The following ULK4 variants were observed in gnomAD, a reference collection of about 807,000 sequenced individuals.
The protein encoded by ULK4 is inactive serine/threonine-protein kinase ULK4.
ULK4 carries 133 observed loss-of-function variants against 160.6 expected under a neutral mutation model. The observed-to-expected ratio is 0.83, with a 90% confidence interval of 0.72 to 0.96. The LOEUF (loss-of-function observed/expected upper bound fraction) is 0.96, where lower values mean the gene tolerates loss of function less well. Ranked by LOEUF, ULK4 falls within the 40% of genes least tolerant of loss-of-function variation. The pLI is 0.00. For missense variants in ULK4, 1,580 were observed against 1,499.5 expected (o/e 1.05, Z -0.89); for synonymous variants, 534 against 539.8 (o/e 0.99, Z 0.15).
chr3:41,908,038 G>C, intron 11 of ULK4, 97 bp from the exon 12 acceptor site: 9 of 743,006 alleles, frequency 1.2e-5, no homozygotes, highest in Non-Finnish European at 1.8e-5. Context: ...AAAAATGGTA[G>C]AGTATGATGA....
At chr3:41,926,539 A>T (rs1265763172) in intron 5 of ULK4, among the ~76,000 whole-genome samples, 2 of 152,226 alleles carry the variant, frequency 1.3e-5, no homozygotes, top group African/African-American at 4.8e-5. Context: ...GGTGGGTAAC[A>T]ACAACCTCCT....
intron 16 of ULK4, among the ~76,000 whole-genome samples, chr3:41,885,557 C>G (rs1377348512): frequency 6.6e-6 from 1 of 152,210 alleles, no homozygotes; most frequent in Non-Finnish European, 1.5e-5. Flanking sequence ...GCAGCACTAT[C>G]TAACAAACCT....
intron 27 of ULK4, among the ~76,000 whole-genome samples, chr3:41,704,414 T>C (rs2036793686): frequency 6.6e-6 from 1 of 152,238 alleles, no homozygotes; most frequent in Non-Finnish European, 1.5e-5. Flanking sequence ...CAAAACCTGA[T>C]ACTGCTCCTT....
intron 18 of ULK4, among the ~76,000 whole-genome samples, chr3:41,827,212 G>T (rs1015083392): frequency 2.1e-5 from 3 of 146,088 alleles, no homozygotes; most frequent in African/African-American, 7.7e-5. Context: ...AAGCAGGAAA[G>T]ATCTAAAATT....
At chr3:41,469,643 A>C (rs2083926412) in intron 32 of ULK4, among the ~76,000 whole-genome samples, 1 of 149,096 alleles carries the variant, frequency 6.7e-6, no homozygotes, top group Non-Finnish European at 1.5e-5. Context: ...TAAAAGCCTA[A>C]AAAGATGGCT....
chr3:41,864,764 CATCTT>C (rs1479584870), intron 17 of ULK4, among the ~76,000 whole-genome samples: 1 of 152,080 alleles, frequency 6.6e-6, no homozygotes, highest in East Asian at 1.9e-4. Context: ...TACATTTATT[CATCTT>C]TTCTTCCTGT....
At chr3:41,546,898 G>A (rs1405051537) in intron 32 of ULK4, among the ~76,000 whole-genome samples, 1 of 151,900 alleles carries the variant, frequency 6.6e-6, no homozygotes, top group Non-Finnish European at 1.5e-5. Flanking sequence ...GGCCTCTGCT[G>A]ATTTTGACAA....
At chr3:41,454,144 T>G (rs2125870044) in intron 34 of ULK4, among the ~76,000 whole-genome samples, 1 of 149,056 alleles carries the variant, frequency 6.7e-6, no homozygotes, top group African/African-American at 2.5e-5. Flanking sequence ...ACCTGCACAT[T>G]GTGCACATGT....
At chr3:41,591,941 G>A (rs1359524639) in intron 31 of ULK4, among the ~76,000 whole-genome samples, 1 of 152,200 alleles carries the variant, frequency 6.6e-6, no homozygotes, top group African/African-American at 2.4e-5. Flanking sequence ...GGAGGATCAT[G>A]ACGGATGGCA....
intron 21 of ULK4, 34 bp downstream of exon 21, chr3:41,789,627 T>C: frequency 6.7e-7 from 1 of 1,497,288 alleles, no homozygotes; most frequent in Non-Finnish European, 8.9e-7. Context: ...AAACAATTTT[T>C]AATGTAGAGT....
chr3:41,592,398 G>A (rs1466340310), intron 31 of ULK4, among the ~76,000 whole-genome samples: 1 of 152,078 alleles, frequency 6.6e-6, no homozygotes, highest in African/African-American at 2.4e-5. Context: ...AAGGTACTGG[G>A]AAAAGGCCAC....
In ULK4 at chr3:41,825,308, T is replaced by C. The variant is rs553584096; in HGVS notation, c.1765-5802A>G. Among the ~76,000 whole-genome samples, 10 of 152,336 alleles carry C rather than the reference T, an allele frequency of 6.6e-5. No homozygotes were observed. The East Asian group carries it at 1.5e-3, about 23-fold the overall frequency. ...TCACCAGCAACGGAACAAAGCTGGA[T>C]GGAGAATGCCTTTGACGAGTTGAGA... On this transcript the variant is annotated intron_variant, in intron 18 of 36. Coordinates refer to ENST00000301831, the MANE Select transcript of ULK4 (RefSeq NM_017886.4).
At chr3:41,263,947 A>G (rs1486799468) in intron 35 of ULK4, among the ~76,000 whole-genome samples, 2 of 152,348 alleles carry the variant, frequency 1.3e-5, no homozygotes, top group Middle Eastern at 3.4e-3. Context: ...ACCTTGAGAA[A>G]CACAATTAAA....
At chr3:41,419,201 T>C (rs1045626364) in intron 34 of ULK4, among the ~76,000 whole-genome samples, 1 of 152,072 alleles carries the variant, frequency 6.6e-6, no homozygotes, top group Non-Finnish European at 1.5e-5. Flanking sequence ...ACTTTCATAA[T>C]AAAAATGTTG....
chr3:41,559,194 A>G (rs1293071590), intron 32 of ULK4, among the ~76,000 whole-genome samples: 2 of 145,072 alleles, frequency 1.4e-5, no homozygotes, highest in Non-Finnish European at 3.1e-5. Flanking sequence ...TGTCCCTACA[A>G]AGGACACGAA....
intron 35 of ULK4, among the ~76,000 whole-genome samples, chr3:41,254,044 T>C (rs1294886653): frequency 1.3e-5 from 2 of 152,152 alleles, no homozygotes; most frequent in African/African-American, 2.4e-5. Flanking sequence ...TCCACAATCG[T>C]AGTTGGAGAT....
intron 32 of ULK4, among the ~76,000 whole-genome samples, chr3:41,473,847 A>G (rs1230725644): frequency 1.3e-5 from 2 of 152,114 alleles, no homozygotes; most frequent in African/African-American, 2.4e-5. Context: ...TAACAAAGAC[A>G]TGGATAAATG....
intron 32 of ULK4, among the ~76,000 whole-genome samples, chr3:41,552,454 C>T (rs1484450719): frequency 6.6e-6 from 1 of 151,716 alleles, no homozygotes; most frequent in Non-Finnish European, 1.5e-5. Context: ...TCTTTTTATA[C>T]ACTAATAATA....
chr3:41,512,495 C>G (rs936892579), intron 32 of ULK4, among the ~76,000 whole-genome samples: 1 of 152,090 alleles, frequency 6.6e-6, no homozygotes, highest in Admixed American at 6.6e-5. Context: ...AGCTGAGAAT[C>G]AAATCAAGAA....
Sources: allele counts gnomAD v4.1 joint callset (sites outside exome capture counted in the v4.1 genomes callset), GRCh38; gene constraint gnomAD v4.1.1; transcripts MANE v1.5; gene names NCBI Gene and HGNC (gene_info 2026-07-23, HGNC 2026-07-21).